SORBS3: variants seen among roughly 807,000 people sequenced by gnomAD.
SORBS3 encodes vinexin.
A neutral mutation model predicts 98.0 loss-of-function variants in SORBS3; 69 were observed. The observed-to-expected ratio is 0.70, with a 90% CI of 0.58 to 0.86. The LOEUF is 0.86. SORBS3 is among the 40% of genes least tolerant of loss of function. SORBS3 has a pLI of 0.00. For synonymous variants in SORBS3, 394 were observed against 355.4 expected (o/e 1.11, Z -1.22); for missense variants, 954 against 908.5 (o/e 1.05, Z -0.64).
intron 3 of SORBS3, among the ~76,000 whole-genome samples, chr8:22,555,510 T>G (rs1457564483): frequency 6.6e-6 from 1 of 152,234 alleles, no homozygotes; most frequent in South Asian, 2.1e-4. Context: ...AGGAATTTAT[T>G]CATTTAACAA....
rs1840305224 is a variant in SORBS3 at position 22,561,953 on chromosome 8, C to G, written c.584+22C>G. On this transcript the variant is annotated intron_variant, in intron 7 of 20. Transcript: ENST00000240123. ...GTGGGTGAGCACAGTGGGGCGGGGCCGAGGGCTGCGGAGGGGCGCGGCCCG... is the reference window on the plus strand; with the variant it reads ...GTGGGTGAGCACAGTGGGGCGGGGCGGAGGGCTGCGGAGGGGCGCGGCCCG... 5 of 1,612,370 alleles carry G rather than the reference C, an allele frequency of 3.1e-6. No homozygotes were observed. The African/African-American group carries it at 4.0e-5, about 13-fold the overall frequency.
intron 10 of SORBS3, chr8:22,564,949 A>G: frequency 7.7e-7 from 1 of 1,305,276 alleles, no homozygotes; most frequent in South Asian, 1.7e-5. Context: ...GGGCGGGAGA[A>G]GATGGGAGAG....
intron 5 of SORBS3, 21 bp from the exon 6 acceptor site, chr8:22,561,314 T>C (rs370171079): frequency 5.7e-6 from 9 of 1,582,186 alleles, no homozygotes; most frequent in African/African-American, 4.1e-5. Context: ...TCCCATGACC[T>C]GGTCCCTTCT....
rs1278914269 is a variant in SORBS3, at chr8:22,564,400, C to A, written c.762+31C>A. ...TGCTGGCTGGCTCTCGGGGTGTGCACGCACCCTCAGCTGATACATTTTGGA... is the reference window on the plus strand; with the variant it reads ...TGCTGGCTGGCTCTCGGGGTGTGCAAGCACCCTCAGCTGATACATTTTGGA... On this transcript the variant is annotated intron_variant, in intron 9 of 20. Coordinates refer to ENST00000240123, the MANE Select transcript of SORBS3 (RefSeq NM_005775.5). 19 of 1,613,240 alleles carry A rather than the reference C, an allele frequency of 1.2e-5. No homozygotes were observed. The East Asian group carries it at 4.0e-4, about 34-fold the overall frequency.
intron 20 of SORBS3, among the ~76,000 whole-genome samples, chr8:22,574,005 C>T (rs577710219): frequency 6.6e-4 from 100 of 152,260 alleles, no homozygotes; most frequent in Admixed American, 4.6e-3. Context: ...TGAAGGTCGG[C>T]AACCCCGGCC....
chr8:22,563,677 G>A (rs773811147), intron 7 of SORBS3, among the ~76,000 whole-genome samples: 9 of 152,226 alleles, frequency 5.9e-5, no homozygotes, highest in Non-Finnish European at 1.3e-4. Flanking sequence ...ATGTGTGTGA[G>A]GCCTTCTCCC....
intron 5 of SORBS3, among the ~76,000 whole-genome samples, chr8:22,559,534 C>T (rs1840250619): frequency 6.6e-6 from 1 of 152,032 alleles, no homozygotes. Flanking sequence ...AACCCCATCT[C>T]TACTAAAAAA....
chr8:22,569,267 C>A lies in SORBS3; in HGVS notation c.1425C>A (p.Phe475Leu). 1 of 1,593,986 alleles carries A rather than the reference C, an allele frequency of 6.3e-7. No homozygotes were observed. Among genetic ancestry groups the A allele is most frequent in the East Asian group, 2.3e-5 (1 of 43,062 alleles). Residue 475 changes from phenylalanine to leucine, a missense_variant, in exon 17 of 21, where the codon TTC becomes TTA. Coordinates refer to ENST00000240123, the MANE Select transcript of SORBS3 (RefSeq NM_005775.5). Reference sequence around the variant, plus strand: ...GGGACCTGGAGGTGGAGCTGTCCTTCCGCAAGGTGGGCCAGGCCGGAGACG... The same window carrying A: ...GGGACCTGGAGGTGGAGCTGTCCTTACGCAAGGTGGGCCAGGCCGGAGACG... Reference protein sequence around the residue: ...FKGDLEVELSFRKGEHICLIR... With the variant: ...FKGDLEVELSLRKGEHICLIR...
intron 16 of SORBS3, among the ~76,000 whole-genome samples, chr8:22,568,576 C>A (rs11994517): frequency 0.017 from 2,536 of 152,298 alleles, 70 homozygotes; most frequent in African/African-American, 0.057. Context: ...TGAAATTTCA[C>A]AAAGTATATA....
chr8:22,573,799 T>C (rs994597037), intron 20 of SORBS3, among the ~76,000 whole-genome samples: 2 of 152,256 alleles, frequency 1.3e-5, no homozygotes, highest in African/African-American at 2.4e-5. Flanking sequence ...TTCCTATTTT[T>C]CTATATATAG....
chr8:22,559,521 T>C (rs1840250107), intron 5 of SORBS3, among the ~76,000 whole-genome samples: 1 of 151,478 alleles, frequency 6.6e-6, no homozygotes, highest in South Asian at 2.1e-4. Context: ...GGCAACATGG[T>C]GAAACCCCAT....
rs775676191 is a variant in SORBS3 at position 22,561,383 on chromosome 8, T to G, written c.517+10T>G. ...GAGGAGCCACCCAGAGGTGAGGGGA[T>G]GCGGGCCCACCTGCCTGCCATAGCC... On this transcript the variant is annotated intron_variant, in intron 6 of 20. Coordinates refer to ENST00000240123, the MANE Select transcript of SORBS3 (RefSeq NM_005775.5). The G allele has an allele frequency of 6.2e-6, 10 of 1,612,652 alleles. No homozygotes were observed. Among genetic ancestry groups the G allele is most frequent in the Non-Finnish European group, 7.6e-6 (9 of 1,179,470 alleles).
At position 22,561,340 on chromosome 8, in the gene SORBS3, CA is replaced by C; in HGVS notation, c.485del (p.Gln162ArgfsTer16). 1 of 1,602,790 alleles carries C rather than the reference CA, an allele frequency of 6.2e-7. No individual in the cohort carries two copies. The highest frequency in any genetic ancestry group is 8.5e-7 in the Non-Finnish European group (1 of 1,173,062). On this transcript the variant is annotated frameshift_variant, in exon 6 of 21. Transcript: ENST00000240123. LOFTEE classifies it high-confidence loss of function. ...GGTCCCTTCTGCTCCTGCAGACTTG[CA>C]GCTGGACTGGACCTTCGAGGAGCCA... is the stretch of plus-strand genomic sequence containing the variant. ...QQIHRKMPDL[Q>X]LDWTFEEPPR... is the part of the protein sequence containing the mutation.
chr8:22,565,433 G>T, intron 11 of SORBS3, 79 bp downstream of exon 11: 2 of 1,192,374 alleles, frequency 1.7e-6, no homozygotes, highest in Admixed American at 3.1e-5. Context: ...CGGCGGCTGG[G>T]CTGGGCGGAG....
chr8:22,557,231 C>T (rs1017023515), intron 4 of SORBS3, among the ~76,000 whole-genome samples: 5 of 152,110 alleles, frequency 3.3e-5, no homozygotes, highest in African/African-American at 7.2e-5. Context: ...GGGCCTGTCA[C>T]GACGCTCATG....
upstream of SORBS3, among the ~76,000 whole-genome samples, chr8:22,551,283 C>A (rs1474687216): frequency 6.6e-6 from 1 of 152,140 alleles, no homozygotes; most frequent in Non-Finnish European, 1.5e-5. The surrounding 1 kb of genome is among the most constrained non-coding windows in gnomAD (Gnocchi z 5.8). Flanking sequence ...GGCCGCGCGC[C>A]GCCGCAGGCA....
At chr8:22,552,821 C>T (rs564964965) in intron 1 of SORBS3, among the ~76,000 whole-genome samples, 1 of 152,210 alleles carries the variant, frequency 6.6e-6, no homozygotes, top group Non-Finnish European at 1.5e-5. Context: ...TCAACTCCCC[C>T]CCGCAAGGGG....
At chr8:22,574,024 C>T (rs1037533395) in intron 20 of SORBS3, among the ~76,000 whole-genome samples, 4 of 152,178 alleles carry the variant, frequency 2.6e-5, no homozygotes, top group African/African-American at 9.7e-5. Context: ...CCTGGGTCCC[C>T]AGTGACTCCA....
At position 22,563,050 on chromosome 8, in the gene SORBS3, C is replaced by T. The variant is rs1455718772; in HGVS notation, c.585-937C>T. Among the ~76,000 whole-genome samples the T allele has an allele frequency of 3.3e-5, 5 of 151,744 alleles. No homozygotes were observed. In the South Asian group the frequency reaches 1.0e-3, roughly 32 times the overall value. On this transcript the variant is annotated intron_variant, in intron 7 of 20. Transcript: ENST00000240123. ...AGGAGAATGGCATGAACCCAGGAGGCGGAGCTTGCAGTGAGCCGGGATTGC... is the reference window on the plus strand; with the variant it reads ...AGGAGAATGGCATGAACCCAGGAGGTGGAGCTTGCAGTGAGCCGGGATTGC...
Sources: gnomAD v4.1 joint callset for allele counts (sites outside exome capture counted in the v4.1 genomes callset) on GRCh38, gnomAD v4.1.1 for gene constraint, Gnocchi (gnomAD v3.1) non-coding constraint, MANE v1.5 for transcripts, NCBI Gene and HGNC (gene_info 2026-07-23, HGNC 2026-07-21) for gene names.